The following CAPSL variants were observed in gnomAD, a reference collection of about 807,000 sequenced individuals.
The protein encoded by CAPSL is calcyphosin-like protein.
CAPSL carries 17 observed loss-of-function variants against 21.3 expected under a neutral mutation model. The observed-to-expected ratio is 0.80, with a 90% CI of 0.55 to 1.20. The LOEUF is 1.20. CAPSL is among the 50% of genes most tolerant of loss of function. The pLI, the probability that CAPSL is intolerant of heterozygous loss-of-function variation, is 0.00. For missense variants in CAPSL, 289 were observed against 259.3 expected (o/e 1.11, Z -0.79); for synonymous variants, 102 against 89.3 (o/e 1.14, Z -0.80).
At chr5:35,937,706 T>G (rs1280885382) in intron 1 of CAPSL, among the ~76,000 whole-genome samples, 3 of 152,194 alleles carry the variant, frequency 2.0e-5, no homozygotes, top group African/African-American at 7.2e-5. Flanking sequence ...AATTTATCAT[T>G]GTCATTGCTA....
chr5:35,918,450 A>C (rs980713374), intron 2 of CAPSL, among the ~76,000 whole-genome samples: 3 of 152,134 alleles, frequency 2.0e-5, no homozygotes, highest in African/African-American at 7.2e-5. Flanking sequence ...ACACAGTGGA[A>C]CATGAACTTC....
intron 1 of CAPSL, among the ~76,000 whole-genome samples, chr5:35,935,749 A>G (rs1273247946): frequency 6.6e-6 from 1 of 152,080 alleles, no homozygotes; most frequent in Non-Finnish European, 1.5e-5. Context: ...CACCCCAGCC[A>G]TTACCTACCT....
chr5:35,905,683 CA>C (rs1205596247), intron 4 of CAPSL, among the ~76,000 whole-genome samples: 1 of 152,224 alleles, frequency 6.6e-6, no homozygotes, highest in East Asian at 1.9e-4. Flanking sequence ...TTGGATTCCT[CA>C]GCCTCTGCTT....
chr5:35,919,168 A>ATTATATATATATATATAT (rs1328263175), intron 2 of CAPSL, among the ~76,000 whole-genome samples: 130 of 112,980 alleles, frequency 1.2e-3, no homozygotes, highest in African/African-American at 4.0e-3. Flanking sequence ...ATTAAAAAAA[A>ATTATATATATATATATAT]AAATATATAT....
At chr5:35,936,053 G>T (rs549446635) in intron 1 of CAPSL, among the ~76,000 whole-genome samples, 1 of 152,246 alleles carries the variant, frequency 6.6e-6, no homozygotes, top group South Asian at 2.1e-4. Context: ...TGTTGGTCAG[G>T]TTCTTATTCC....
rs200413025 is a variant in CAPSL at position 35,917,225 on chromosome 5, GGA to G, written c.137+3757_137+3758del. Among the ~76,000 whole-genome samples the G allele has an allele frequency of 6.4e-3, 968 of 152,284 alleles. 18 individuals are homozygous for G. The highest frequency in any genetic ancestry group is 0.057 in the East Asian group (294 of 5,176). On this transcript the variant is annotated intron_variant, in intron 2 of 4. Coordinates refer to ENST00000651391, the MANE Select transcript of CAPSL (RefSeq NM_001042625.2). Reference sequence around the variant, plus strand: ...AAAAAGTCAGGAAACAACAGGTGCTGGAGAGAATGTGGAGAAATAGGAACACT... The same window carrying G: ...AAAAAGTCAGGAAACAACAGGTGCTGGAGAATGTGGAGAAATAGGAACACT...
intron 2 of CAPSL, among the ~76,000 whole-genome samples, chr5:35,915,952 A>G (rs1300764738): frequency 6.6e-6 from 1 of 152,170 alleles, no homozygotes; most frequent in African/African-American, 2.4e-5. Context: ...ATGATTGTAT[A>G]TCTAGAAAAC....
At chr5:35,917,338 T>C (rs1170055028) in intron 2 of CAPSL, among the ~76,000 whole-genome samples, 1 of 152,082 alleles carries the variant, frequency 6.6e-6, no homozygotes, top group Non-Finnish European at 1.5e-5. Flanking sequence ...ACTAGAAATA[T>C]CACTTGACCC....
intron 4 of CAPSL, among the ~76,000 whole-genome samples, chr5:35,908,606 A>G (rs1738099614): frequency 6.6e-6 from 1 of 152,214 alleles, no homozygotes; most frequent in Admixed American, 6.5e-5. Context: ...GGGAAATGGC[A>G]GTTGGCTATT....
intron 4 of CAPSL, among the ~76,000 whole-genome samples, chr5:35,904,902 T>C (rs1760642104): frequency 6.6e-6 from 1 of 152,052 alleles, no homozygotes; most frequent in Admixed American, 6.6e-5. Context: ...GTTGTCATCT[T>C]TTGTCTAAGG....
chr5:35,909,606 AT>A (rs1738156670), intron 4 of CAPSL, among the ~76,000 whole-genome samples: 1 of 152,212 alleles, frequency 6.6e-6, no homozygotes, highest in African/African-American at 2.4e-5. Flanking sequence ...GTCATCACTT[AT>A]GTGGATCCCC....
At chr5:35,924,952 A>G (rs556875614) in intron 1 of CAPSL, among the ~76,000 whole-genome samples, 1 of 152,358 alleles carries the variant, frequency 6.6e-6, no homozygotes, top group East Asian at 1.9e-4. Flanking sequence ...CACCGACTTC[A>G]TAGCAGTGCA....
rs201918474 is a variant in CAPSL at position 35,909,981 on chromosome 5, C to A, written c.410G>T (p.Arg137Leu). Reference protein sequence around the residue: ...GDGVITIEDLREVYNAKHHPK... With the variant: ...GDGVITIEDLLEVYNAKHHPK... The stretch of plus-strand genomic sequence containing the variant: ...GTGGTGTTTTGCATTATATACTTCA[C>A]GAAGGTCTTCGATTGTTATAACACC... The change falls in exon 4 of 5, where the codon CGT becomes CTT. Residue 137 changes from arginine (R) to leucine (L), a missense_variant. Coordinates refer to ENST00000651391, the MANE Select transcript of CAPSL (RefSeq NM_001042625.2). 3 of 1,613,662 alleles carry A rather than the reference C, an allele frequency of 1.9e-6. No individual in the cohort carries two copies. The highest frequency in any genetic ancestry group is 3.3e-5 in the Admixed American group (2 of 59,956).
Position 35,910,494 on chromosome 5 carries a change from C to T in CAPSL, c.187G>A (p.Glu63Lys), listed in dbSNP as rs1367715056. 2 of 1,612,492 alleles carry T rather than the reference C, an allele frequency of 1.2e-6. No individual in the cohort carries two copies. The highest frequency in any genetic ancestry group is 1.1e-5 in the South Asian group (1 of 90,820). The change falls in exon 3 of 5, where the codon GAA becomes AAA. Residue 63 changes from glutamate to lysine, a missense_variant. Transcript: ENST00000651391. ...DDNNRTLDFKEFMKGLNDYAV... is the reference protein window; with the variant it reads ...DDNNRTLDFKKFMKGLNDYAV... Reference sequence around the variant, plus strand: ...TAATCATTTAACCCTTTCATAAATTCTTTAAAATCAAGGGTTCGATTATTA... The same window carrying T: ...TAATCATTTAACCCTTTCATAAATTTTTTAAAATCAAGGGTTCGATTATTA...
intron 1 of CAPSL, among the ~76,000 whole-genome samples, chr5:35,934,919 T>C (rs1738906070): frequency 6.6e-6 from 1 of 152,142 alleles, no homozygotes; most frequent in South Asian, 2.1e-4. Context: ...GGTATCTGAT[T>C]TTGCATAAGG....
intron 1 of CAPSL, among the ~76,000 whole-genome samples, chr5:35,931,291 G>A (rs765998589): frequency 2.6e-5 from 4 of 152,100 alleles, no homozygotes; most frequent in Admixed American, 6.6e-5. Context: ...GACTCATGAG[G>A]AGAGAGAAAG....
At chr5:35,929,109 C>G (rs1738755837) in intron 1 of CAPSL, among the ~76,000 whole-genome samples, 1 of 151,990 alleles carries the variant, frequency 6.6e-6, no homozygotes, top group Non-Finnish European at 1.5e-5. Context: ...ATGCTGGGGG[C>G]CAAGTCCTTG....
intron 2 of CAPSL, among the ~76,000 whole-genome samples, chr5:35,920,124 C>T (rs561888691): frequency 6.6e-6 from 1 of 152,302 alleles, no homozygotes; most frequent in African/African-American, 2.4e-5. Context: ...TGGGACTGTT[C>T]AGAGTTTTCT....
chr5:35,923,003 G>T (rs1223368077), intron 1 of CAPSL, among the ~76,000 whole-genome samples: 2 of 151,998 alleles, frequency 1.3e-5, no homozygotes, highest in African/African-American at 4.8e-5. Flanking sequence ...AGCAGGAACT[G>T]GTGTCAACAA....
Sources: gnomAD v4.1 joint callset for allele counts (sites outside exome capture counted in the v4.1 genomes callset) on GRCh38, gnomAD v4.1.1 for gene constraint, MANE v1.5 for transcripts, NCBI Gene and HGNC (gene_info 2026-07-23, HGNC 2026-07-21) for gene names.